The following PBX1 variants were observed in gnomAD, a reference collection of about 807,000 sequenced individuals.
PBX1 encodes PBX homeobox 1.
PBX1 carries 6 observed loss-of-function variants against 53.4 expected under a neutral mutation model. The ratio of observed to expected loss-of-function variants is 0.11; its 90% confidence interval spans 0.06 to 0.22. The LOEUF (loss-of-function observed/expected upper bound fraction) is 0.22. Ranked by LOEUF, PBX1 falls within the 10% of genes least tolerant of loss-of-function variation. PBX1 has a pLI of 1.00. For synonymous variants in PBX1, 204 were observed against 212.3 expected, an observed-to-expected ratio of 0.96 and a Z score of 0.34; for missense variants, 251 against 551.4, an observed-to-expected ratio of 0.46 and a Z score of 5.46.
intron 8 of PBX1, among the ~76,000 whole-genome samples, chr1:164,843,587 T>A (rs193188641): frequency 0.017 from 2,646 of 152,182 alleles, 35 homozygotes; most frequent in Non-Finnish European, 0.025. Flanking sequence ...GAGGTTTTGT[T>A]TAATGTATTT....
chr1:164,559,663 A>G lies in PBX1; in HGVS notation c.-160A>G, dbSNP rs1450349887. The G allele has an allele frequency of 2.0e-6, 1 of 510,226 alleles. No individual in the cohort carries two copies. The highest frequency in any genetic ancestry group is 3.4e-6 in the Non-Finnish European group (1 of 298,136). The allele number at this position is 510,226 out of a possible 1,614,324, so 31.6% of individuals were successfully genotyped here. ...CTCCCACCATCCTCTAAAGAGGCAAAGGGATTTTTTTTTTCTTTTGGTCTT... is the reference window on the plus strand; with the variant it reads ...CTCCCACCATCCTCTAAAGAGGCAAGGGGATTTTTTTTTTCTTTTGGTCTT... On this transcript the variant is annotated 5_prime_UTR_variant, in exon 1 of 9. Coordinates refer to ENST00000420696, the MANE Select transcript of PBX1 (RefSeq NM_002585.4).
At chr1:164,881,592 G>A (rs1299248445) in intron 2 of PBX1, among the ~76,000 whole-genome samples, 1 of 94,060 alleles carries the variant, frequency 1.1e-5, no homozygotes, top group African/African-American at 5.6e-5. Flanking sequence ...AGGAAGGGAG[G>A]AAGGAAAGGA....
In PBX1 at chr1:164,690,250, A is replaced by G. The variant is rs113705610; in HGVS notation, c.266-102244A>G. Among the ~76,000 whole-genome samples the G allele has an allele frequency of 6.1e-3, 922 of 151,812 alleles. 10 individuals are homozygous for G. The highest frequency in any genetic ancestry group is 0.021 in the African/African-American group (882 of 41,464). On this transcript the variant is annotated intron_variant, in intron 2 of 8. Transcript: ENST00000420696. The stretch of plus-strand genomic sequence containing the variant: ...GGGTGGGAGAGGGAGGGGCCTGTGG[A>G]TCTCTGGGAAAGAAAGCGGATCAGA...
intron 2 of PBX1, among the ~76,000 whole-genome samples, chr1:164,702,497 G>A (rs1663178630): frequency 6.6e-6 from 1 of 152,190 alleles, no homozygotes; most frequent in African/African-American, 2.4e-5. Flanking sequence ...TTCATTTTGA[G>A]TTGACCAAGG....
intron 2 of PBX1, among the ~76,000 whole-genome samples, chr1:164,695,428 C>A (rs1236727370): frequency 6.6e-6 from 1 of 152,136 alleles, no homozygotes; most frequent in Admixed American, 6.5e-5. Context: ...CCTGCCACTT[C>A]TTTCTTATAC....
intron 2 of PBX1, among the ~76,000 whole-genome samples, chr1:164,750,757 A>C (rs16834368): frequency 0.17 from 25,807 of 152,210 alleles, 2,850 homozygotes; most frequent in South Asian, 0.34. Context: ...GAACTAGTAC[A>C]TAAGATCTGG....
intron 3 of PBX1, among the ~76,000 whole-genome samples, chr1:164,797,980 A>G (rs533227727): frequency 6.6e-6 from 1 of 152,340 alleles, no homozygotes; most frequent in South Asian, 2.1e-4. Context: ...CTCAGTCTGC[A>G]GGTCATGGCA....
chr1:164,713,563 C>G (rs1269771667), intron 2 of PBX1, among the ~76,000 whole-genome samples: 1 of 152,142 alleles, frequency 6.6e-6, no homozygotes, highest in African/African-American at 2.4e-5. Flanking sequence ...CCCCTTCCTT[C>G]CATCCTCTCC....
intron 2 of PBX1, among the ~76,000 whole-genome samples, chr1:164,573,546 C>T (rs1031893537): frequency 1.4e-5 from 2 of 141,668 alleles, no homozygotes; most frequent in Non-Finnish European, 3.0e-5. Context: ...GGCTGGAGTG[C>T]AGTGGCGTGA....
At chr1:164,758,366 T>C (rs1557989331) in intron 2 of PBX1, among the ~76,000 whole-genome samples, 1 of 152,198 alleles carries the variant, frequency 6.6e-6, no homozygotes, top group East Asian at 1.9e-4. Context: ...GACTGCAGCC[T>C]GGCTTGGTGG....
chr1:164,635,375 CA>C (rs1165596723), intron 2 of PBX1, among the ~76,000 whole-genome samples: 1 of 152,114 alleles, frequency 6.6e-6, no homozygotes, highest in African/African-American at 2.4e-5. Flanking sequence ...CAGTCAAATG[CA>C]AAGCAGTAAG....
chr1:164,732,625 C>G (rs1324140852), intron 2 of PBX1, among the ~76,000 whole-genome samples: 1 of 152,002 alleles, frequency 6.6e-6, no homozygotes, highest in Non-Finnish European at 1.5e-5. Context: ...TACTTTCGCA[C>G]CAACCTAATA....
At position 164,579,992 on chromosome 1, in the gene PBX1, G is replaced by A. The variant is rs571119672; in HGVS notation, c.265+16681G>A. ...CTGACTTGGAGATTTTACTTGGTAA[G>A]TTTTACTAAGTGTAGATTTTTCTAT... On this transcript the variant is annotated intron_variant, in intron 2 of 8. Transcript: ENST00000420696. Among the ~76,000 whole-genome samples the A allele has an allele frequency of 4.6e-5, 7 of 152,270 alleles. No homozygotes were observed. In the South Asian group the frequency reaches 1.2e-3, roughly 27 times the overall value.
rs180835220 is a variant in PBX1 at position 164,844,412 on chromosome 1, A to C, written c.1201-2172A>C. ...TACCTATCTATCTACCTGCCTATCT[A>C]CCTGTCTGTCTACTTATCTATCTAT... On this transcript the variant is annotated intron_variant, in intron 8 of 8. Coordinates refer to ENST00000420696, the MANE Select transcript of PBX1 (RefSeq NM_002585.4). 3.4e-4 allele frequency among the ~76,000 whole-genome samples: 52 copies of C among 151,994 alleles called. 1 individual carries two copies. Among genetic ancestry groups the C allele is most frequent in the African/African-American group, 1.2e-3 (50 of 41,474 alleles).
intron 2 of PBX1, among the ~76,000 whole-genome samples, chr1:164,653,644 C>T (rs1490105482): frequency 1.3e-5 from 2 of 152,168 alleles, no homozygotes; most frequent in Non-Finnish European, 2.9e-5. Flanking sequence ...GTGGTAGGCA[C>T]CTATAATCCC....
chr1:164,603,496 A>G (rs1656320512), intron 2 of PBX1, among the ~76,000 whole-genome samples: 1 of 152,220 alleles, frequency 6.6e-6, no homozygotes, highest in African/African-American at 2.4e-5. Context: ...AAGCAACTCC[A>G]TTATGTGAAA....
intron 8 of PBX1, among the ~76,000 whole-genome samples, chr1:164,834,346 C>CTTT (rs56872086): frequency 4.4e-5 from 6 of 137,070 alleles, no homozygotes; most frequent in African/African-American, 1.6e-4. Context: ...ATTTTTCTTT[C>CTTT]TTTTTTTTTT....
intron 2 of PBX1, among the ~76,000 whole-genome samples, chr1:164,633,631 G>A (rs1359448398): frequency 6.6e-6 from 1 of 152,168 alleles, no homozygotes; most frequent in Non-Finnish European, 1.5e-5. Flanking sequence ...CAGATTTCCT[G>A]TACTATACAA....
At chr1:164,692,047 A>T (rs1662519984) in intron 2 of PBX1, among the ~76,000 whole-genome samples, 2 of 152,226 alleles carry the variant, frequency 1.3e-5, no homozygotes, top group Admixed American at 6.5e-5. Flanking sequence ...ATATGCAAAA[A>T]TTCCAAAATC....
Sources: allele counts gnomAD v4.1 joint callset (sites outside exome capture counted in the v4.1 genomes callset), GRCh38; gene constraint gnomAD v4.1.1; transcripts MANE v1.5; gene names NCBI Gene and HGNC (gene_info 2026-07-23, HGNC 2026-07-21).